CALN1: variants seen among roughly 807,000 people sequenced by gnomAD.
CALN1 encodes the protein calcium-binding protein 8.
A neutral mutation model predicts 30.6 loss-of-function variants in CALN1; 17 were observed. The ratio of observed to expected loss-of-function variants is 0.56; its 90% CI spans 0.38 to 0.83. CALN1 has a LOEUF of 0.83. Among genes scored for constraint, CALN1 ranks in the 40% least tolerant of loss-of-function variants. The pLI, the probability that CALN1 is intolerant of heterozygous loss-of-function variation, is 0.00. For synonymous variants in CALN1, 156 were observed against 131.4 expected, an observed-to-expected ratio of 1.19 and a Z score of -1.28; for missense variants, 291 against 354.9, an observed-to-expected ratio of 0.82 and a Z score of 1.45.
At chr7:72,441,688 G>T (rs59005817) in intron 1 of CALN1, among the ~76,000 whole-genome samples, 1 of 151,278 alleles carries the variant, frequency 6.6e-6, no homozygotes, top group Non-Finnish European at 1.5e-5. Flanking sequence ...CAAACAGGGC[G>T]AATCGTCTTG....
At chr7:72,449,599 G>A (rs1052599037), upstream of CALN1, among the ~76,000 whole-genome samples, 2 of 152,152 alleles carry the variant, frequency 1.3e-5, no homozygotes, top group South Asian at 2.1e-4. Context: ...CAGGCTGGGC[G>A]CGGTGGCTCA....
At chr7:71,973,221 G>C (rs1797936077) in intron 5 of CALN1, among the ~76,000 whole-genome samples, 1 of 151,834 alleles carries the variant, frequency 6.6e-6, no homozygotes, top group Admixed American at 6.6e-5. Flanking sequence ...TGTTGCCCTG[G>C]CTGGAGTGCA....
At chr7:72,414,873 C>G (rs1807372708), upstream of CALN1, among the ~76,000 whole-genome samples, 1 of 152,228 alleles carries the variant, frequency 6.6e-6, no homozygotes, top group African/African-American at 2.4e-5. Flanking sequence ...TGTCCCTCCT[C>G]CAAATCCTTA....
chr7:72,104,039 G>A (rs1005850481), intron 4 of CALN1: 2 of 153,200 alleles, frequency 1.3e-5, no homozygotes, highest in Non-Finnish European at 2.9e-5. Context: ...AATGGGGACA[G>A]TGACTGGGCC....
chr7:72,382,758 C>T (rs942382909), intron 2 of CALN1, among the ~76,000 whole-genome samples: 1 of 152,132 alleles, frequency 6.6e-6, no homozygotes, highest in Non-Finnish European at 1.5e-5. Context: ...GCATGATAGT[C>T]TCCCAGGTGC....
intron 6 of CALN1, among the ~76,000 whole-genome samples, chr7:71,807,000 C>T (rs751212982): frequency 6.6e-6 from 1 of 152,158 alleles, no homozygotes; most frequent in Non-Finnish European, 1.5e-5. Context: ...TGTAACAGGA[C>T]GTCAGCAAGG....
intron 3 of CALN1, among the ~76,000 whole-genome samples, chr7:72,161,064 G>A (rs1424185133): frequency 1.3e-5 from 2 of 152,196 alleles, no homozygotes; most frequent in African/African-American, 4.8e-5. Context: ...GGCAGACAGA[G>A]CTGGGTCCCT....
intron 4 of CALN1, among the ~76,000 whole-genome samples, chr7:72,040,808 C>G (rs1291200662): frequency 2.6e-5 from 4 of 152,094 alleles, no homozygotes; most frequent in Non-Finnish European, 4.4e-5. Flanking sequence ...TGGTCATGTG[C>G]AAGACAGGAA....
chr7:72,265,835 G>A (rs1428565210), intron 3 of CALN1, among the ~76,000 whole-genome samples: 5 of 151,900 alleles, frequency 3.3e-5, no homozygotes, highest in Admixed American at 3.3e-4. Flanking sequence ...TGTTGGGAAG[G>A]CTTTCTAAAC....
chr7:71,838,289 T>C (rs931364372), intron 5 of CALN1, among the ~76,000 whole-genome samples: 1 of 152,230 alleles, frequency 6.6e-6, no homozygotes, highest in Non-Finnish European at 1.5e-5. Context: ...AGATCATTTT[T>C]TAAGTCTAGT....
chr7:72,209,338 C>T (rs1278246077), intron 3 of CALN1, among the ~76,000 whole-genome samples: 24 of 16,976 alleles, frequency 1.4e-3, no homozygotes, highest in Non-Finnish European at 2.1e-3. Flanking sequence ...CTTTCCTTCC[C>T]TCTTTCCTTC....
At chr7:71,991,681 C>T (rs1451947340) in intron 5 of CALN1, among the ~76,000 whole-genome samples, 1 of 152,178 alleles carries the variant, frequency 6.6e-6, no homozygotes, top group Non-Finnish European at 1.5e-5. Flanking sequence ...TTATTTTCTA[C>T]AAAGAACAAG....
At chr7:72,380,736 G>GATAC (rs1480437976) in intron 2 of CALN1, among the ~76,000 whole-genome samples, 3 of 152,090 alleles carry the variant, frequency 2.0e-5, no homozygotes, top group African/African-American at 4.8e-5. Context: ...TAGATACATA[G>GATAC]ATAGATAGTG....
intron 3 of CALN1, among the ~76,000 whole-genome samples, chr7:72,253,798 T>C (rs1795726928): frequency 6.6e-6 from 1 of 152,196 alleles, no homozygotes; most frequent in Non-Finnish European, 1.5e-5. Context: ...TGGAGTGCAG[T>C]AGCGTGATCC....
chr7:72,055,293 A>T (rs1415094318), intron 4 of CALN1, among the ~76,000 whole-genome samples: 1 of 152,214 alleles, frequency 6.6e-6, no homozygotes, highest in South Asian at 2.1e-4. Flanking sequence ...AGAGTCCATC[A>T]TTTTAACCAA....
intron 3 of CALN1, among the ~76,000 whole-genome samples, chr7:72,139,999 C>T (rs75880167): frequency 0.013 from 1,939 of 152,166 alleles, 43 homozygotes; most frequent in African/African-American, 0.044. Context: ...GGAAAGCATG[C>T]TCAGAAGTGT....
chr7:72,402,967 G>C (rs1233228234), intron 2 of CALN1, among the ~76,000 whole-genome samples: 1 of 152,140 alleles, frequency 6.6e-6, no homozygotes, highest in Non-Finnish European at 1.5e-5. Flanking sequence ...TCCACACTCT[G>C]TAAGTTGTAT....
chr7:72,205,879 A>G (rs1277786228), intron 3 of CALN1, among the ~76,000 whole-genome samples: 1 of 151,966 alleles, frequency 6.6e-6, no homozygotes, highest in Non-Finnish European at 1.5e-5. Flanking sequence ...GAACCCAACA[A>G]TTATCTTCCC....
intron 2 of CALN1, among the ~76,000 whole-genome samples, chr7:72,308,390 AG>A (rs1562868370): frequency 4.9e-5 from 6 of 122,082 alleles, no homozygotes; most frequent in Admixed American, 1.8e-4. Flanking sequence ...AGAGAGAGAG[AG>A]AGAGAGAGAG....
Sources: gnomAD v4.1 joint callset for allele counts (sites outside exome capture counted in the v4.1 genomes callset) on GRCh38, gnomAD v4.1.1 for gene constraint, MANE v1.5 for transcripts, NCBI Gene and HGNC (gene_info 2026-07-23, HGNC 2026-07-21) for gene names.